RBMS3: variants seen among roughly 807,000 people sequenced by gnomAD.
The protein encoded by RBMS3 is RNA-binding motif, single-stranded-interacting protein 3.
In RBMS3, 27 loss-of-function variants were observed where a neutral mutation model predicts 66.8. The observed-to-expected ratio is 0.40, with a 90% CI of 0.30 to 0.56. The LOEUF (loss-of-function observed/expected upper bound fraction) is 0.56. Ranked by LOEUF, RBMS3 falls within the 20% of genes least tolerant of loss-of-function variation. The pLI is 0.40. For synonymous variants in RBMS3, 188 were observed against 183.0 expected (o/e 1.03, Z -0.22); for missense variants, 513 against 549.5 (o/e 0.93, Z 0.66).
chr3:29,295,417 T>A (rs559647838), intron 1 of RBMS3, among the ~76,000 whole-genome samples: 37 of 149,400 alleles, frequency 2.5e-4, no homozygotes, highest in South Asian at 8.4e-4. Flanking sequence ...GGGAATTTTT[T>A]AATTTCAAAG....
intron 7 of RBMS3, among the ~76,000 whole-genome samples, chr3:29,883,039 C>A (rs560615551): frequency 6.6e-6 from 1 of 151,920 alleles, no homozygotes; most frequent in South Asian, 2.1e-4. Flanking sequence ...TGATCTAATT[C>A]AGTTTTAAAT....
intron 6 of RBMS3, among the ~76,000 whole-genome samples, chr3:29,868,166 C>A (rs1332589970): frequency 2.6e-5 from 4 of 152,132 alleles, no homozygotes; most frequent in Non-Finnish European, 5.9e-5. Context: ...GTCACTTTCT[C>A]TTGGGAAATA....
intron 4 of RBMS3, among the ~76,000 whole-genome samples, chr3:29,600,590 AACTG>A (rs972925468): frequency 6.6e-6 from 1 of 152,080 alleles, no homozygotes; most frequent in Non-Finnish European, 1.5e-5. Context: ...AGCAACACAA[AACTG>A]ACTAAGACAC....
intron 4 of RBMS3, chr3:29,731,117 C>G: frequency 1.3e-6 from 1 of 748,796 alleles, no homozygotes; most frequent in Non-Finnish European, 1.6e-6. Flanking sequence ...CAGCCCAAGC[C>G]TTAAAGAATA....
chr3:29,805,912 G>T lies in RBMS3; in HGVS notation c.637+42923G>T, dbSNP rs538041658. On this transcript the variant is annotated intron_variant, in intron 6 of 14. Coordinates refer to ENST00000383767, the MANE Select transcript of RBMS3 (RefSeq NM_001003793.3). ...CTAAGCCTTCACATTCACTCACCAC[G>T]CACTCACTGACTAACCTGGAACAAC... Among the ~76,000 whole-genome samples, 3 of 152,034 alleles carry T rather than the reference G, an allele frequency of 2.0e-5. No individual in the cohort carries two copies. The South Asian group carries it at 6.2e-4, about 31-fold the overall frequency.
intron 4 of RBMS3, chr3:29,730,806 T>C (rs150083613): frequency 3.9e-5 from 36 of 920,240 alleles, no homozygotes; most frequent in Non-Finnish European, 4.3e-5. Context: ...AAACAATATA[T>C]ATTTGTGATA....
intron 10 of RBMS3, among the ~76,000 whole-genome samples, chr3:29,930,109 CT>C (rs775548425): frequency 2.0e-3 from 86 of 43,572 alleles, no homozygotes; most frequent in East Asian, 6.2e-3. Context: ...TTCTTTCTTT[CT>C]TTTTTTTTTT....
intron 4 of RBMS3, among the ~76,000 whole-genome samples, chr3:29,670,537 G>A (rs2050953299): frequency 6.6e-6 from 1 of 152,166 alleles, no homozygotes; most frequent in Non-Finnish European, 1.5e-5. Context: ...CGGGAAAATT[G>A]GGACACTCCC....
intron 4 of RBMS3, among the ~76,000 whole-genome samples, chr3:29,605,986 A>C (rs1156979547): frequency 7.4e-6 from 1 of 134,660 alleles, no homozygotes; most frequent in Non-Finnish European, 1.6e-5. Context: ...TTTTTTTTCT[A>C]ACTCCTTGGA....
intron 1 of RBMS3, among the ~76,000 whole-genome samples, chr3:29,399,449 A>T (rs1208778679): frequency 6.7e-6 from 1 of 149,308 alleles, no homozygotes; most frequent in African/African-American, 2.4e-5. Flanking sequence ...AAGAGCTTGA[A>T]AAAATTGAGG....
At chr3:29,784,449 T>C (rs2056749143) in intron 6 of RBMS3, among the ~76,000 whole-genome samples, 1 of 152,024 alleles carries the variant, frequency 6.6e-6, no homozygotes, top group Non-Finnish European at 1.5e-5. Context: ...GGGTCAACAA[T>C]GAAATCAAGA....
intron 2 of RBMS3, among the ~76,000 whole-genome samples, chr3:29,483,156 A>G (rs2125822919): frequency 6.6e-6 from 1 of 151,912 alleles, no homozygotes; most frequent in East Asian, 2.0e-4. Flanking sequence ...AAAATACAAA[A>G]AAATTAGCCG....
intron 4 of RBMS3, among the ~76,000 whole-genome samples, chr3:29,691,382 G>A (rs1282434236): frequency 6.6e-6 from 1 of 152,164 alleles, no homozygotes; most frequent in South Asian, 2.1e-4. Flanking sequence ...TTCATGGTAA[G>A]ATTGACCCAA....
chr3:29,949,643 A>T (rs1695547123), intron 12 of RBMS3, among the ~76,000 whole-genome samples: 1 of 151,854 alleles, frequency 6.6e-6, no homozygotes, highest in South Asian at 2.1e-4. Flanking sequence ...GATGGTAGAC[A>T]TTGAGATGGA....
intron 6 of RBMS3, among the ~76,000 whole-genome samples, chr3:29,828,454 C>T (rs2058267057): frequency 6.6e-6 from 1 of 152,126 alleles, no homozygotes; most frequent in South Asian, 2.1e-4. Context: ...TAACTTAGAA[C>T]ATAAAAAACA....
chr3:29,456,905 T>C (rs982529041), intron 2 of RBMS3, among the ~76,000 whole-genome samples: 1 of 152,156 alleles, frequency 6.6e-6, no homozygotes, highest in Non-Finnish European at 1.5e-5. Context: ...AGGCTGGACA[T>C]AAAGTACTGT....
intron 12 of RBMS3, among the ~76,000 whole-genome samples, chr3:29,969,466 G>A (rs1233579878): frequency 1.3e-5 from 2 of 152,042 alleles, no homozygotes; most frequent in Non-Finnish European, 2.9e-5. Context: ...ATATTCATTT[G>A]CATTTGTCTT....
chr3:29,718,401 A>G (rs1050895240), intron 4 of RBMS3, among the ~76,000 whole-genome samples: 7 of 152,080 alleles, frequency 4.6e-5, no homozygotes, highest in Admixed American at 3.9e-4. Context: ...GTGATCCATG[A>G]AAACAGAAGT....
chr3:29,928,453 A>AT (rs571641801), intron 10 of RBMS3, among the ~76,000 whole-genome samples: 14 of 150,988 alleles, frequency 9.3e-5, no homozygotes, highest in African/African-American at 2.7e-4. Context: ...TTTGTCTTTG[A>AT]TTTTTTTTGT....
Sources: allele counts gnomAD v4.1 joint callset (sites outside exome capture counted in the v4.1 genomes callset), GRCh38; gene constraint gnomAD v4.1.1; transcripts MANE v1.5; gene names NCBI Gene and HGNC (gene_info 2026-07-23, HGNC 2026-07-21).